The following ADCK1 variants were observed in gnomAD, a reference collection of about 807,000 sequenced individuals.
ADCK1 encodes the protein aarF domain containing kinase 1.
Under a neutral mutation model 52.3 loss-of-function variants are expected in ADCK1, and 41 were observed. The ratio of observed to expected loss-of-function variants is 0.78; its 90% CI spans 0.61 to 1.02. ADCK1 has a LOEUF of 1.02. Ranked by LOEUF, ADCK1 falls within the 50% of genes least tolerant of loss-of-function variation. ADCK1 has a pLI of 0.00. For synonymous variants in ADCK1, 250 were observed against 274.6 expected, an observed-to-expected ratio of 0.91 and a Z score of 0.89; for missense variants, 658 against 679.5, an observed-to-expected ratio of 0.97 and a Z score of 0.35.
At chr14:77,903,943 C>T (rs1164899495) in intron 6 of ADCK1, among the ~76,000 whole-genome samples, 1 of 152,132 alleles carries the variant, frequency 6.6e-6, no homozygotes, top group African/African-American at 2.4e-5. Flanking sequence ...AAGGGAGGTG[C>T]CATAATCACC....
chr14:77,851,402 C>T (rs1455477094), intron 3 of ADCK1, among the ~76,000 whole-genome samples: 1 of 152,156 alleles, frequency 6.6e-6, no homozygotes, highest in Non-Finnish European at 1.5e-5. Context: ...AGCTGTGAGC[C>T]ACTGCGCCTG....
chr14:77,828,585 A>G (rs2081770978), intron 3 of ADCK1, among the ~76,000 whole-genome samples: 1 of 152,126 alleles, frequency 6.6e-6, no homozygotes, highest in Non-Finnish European at 1.5e-5. Context: ...CCCAGGATGG[A>G]GTGCAGTGGC....
At chr14:77,858,413 T>G (rs961929769) in intron 3 of ADCK1, among the ~76,000 whole-genome samples, 4 of 152,072 alleles carry the variant, frequency 2.6e-5, no homozygotes, top group Non-Finnish European at 4.4e-5. Context: ...ATTTTTTTTT[T>G]GTATTTTTAG....
chr14:77,817,952 A>G (rs1594868494), intron 1 of ADCK1, among the ~76,000 whole-genome samples: 1 of 150,674 alleles, frequency 6.6e-6, no homozygotes, highest in East Asian at 2.0e-4. Context: ...GTTAGCCAGG[A>G]TGGTCTTGAT....
intron 4 of ADCK1, among the ~76,000 whole-genome samples, chr14:77,884,700 T>C (rs2083109384): frequency 6.6e-6 from 1 of 152,234 alleles, no homozygotes; most frequent in Non-Finnish European, 1.5e-5. Context: ...GTTGCTACTA[T>C]GTGACCCTCA....
intron 3 of ADCK1, among the ~76,000 whole-genome samples, chr14:77,830,561 G>A (rs941557046): frequency 6.6e-6 from 1 of 151,000 alleles, no homozygotes; most frequent in African/African-American, 2.4e-5. Context: ...CTAAACTGCT[G>A]GGATTACAGG....
In ADCK1 at chr14:77,925,930, G is replaced by A; in HGVS notation, c.1175G>A (p.Gly392Asp). ...CGATCGTGGGACTCGGTCAACAGAGGCATCAGCCAAGCTCCCGTCACTGCC... is the reference window on the plus strand; with the variant it reads ...CGATCGTGGGACTCGGTCAACAGAGACATCAGCCAAGCTCCCGTCACTGCC... ...TARSWDSVNR[G>D]ISQAPVTATE... The change falls in exon 9 of 11, where the codon GGC becomes GAC. Residue 392 changes from glycine to aspartate, a missense_variant. Transcript: ENST00000238561. 1 of 1,614,168 alleles carries A rather than the reference G, an allele frequency of 6.2e-7. No individual in the cohort carries two copies. Among genetic ancestry groups the A allele is most frequent in the Non-Finnish European group, 8.5e-7 (1 of 1,180,040 alleles).
intron 1 of ADCK1, among the ~76,000 whole-genome samples, chr14:77,811,749 C>T (rs1566626510): frequency 6.6e-6 from 1 of 152,082 alleles, no homozygotes; most frequent in Admixed American, 6.6e-5. Context: ...GTTGAGGCTG[C>T]GGTGAGCTGT....
Position 77,931,569 on chromosome 14 carries a change from C to A in ADCK1, c.1258C>A (p.Leu420Ile). The A allele has an allele frequency of 6.2e-7, 1 of 1,614,110 alleles. No individual in the cohort carries two copies. Among genetic ancestry groups the A allele is most frequent in the South Asian group, 1.1e-5 (1 of 91,086 alleles). Reference protein sequence around the residue: ...AANYLPQISHLLNHVPRQMLL... With the variant: ...AANYLPQISHILNHVPRQMLL... ...CAACTACCTCCCCCAGATCAGCCAT[C>A]TCCTCAACCACGTGCCGCGCCAGAT... Residue 420 changes from leucine to isoleucine, a missense_variant, in exon 10 of 11, where the codon CTC becomes ATC. By Grantham distance (5) the Leu-to-Ile change is conservative (BLOSUM62 2). Transcript: ENST00000238561.
intron 5 of ADCK1, among the ~76,000 whole-genome samples, chr14:77,892,872 T>C (rs1276920623): frequency 1.3e-5 from 2 of 152,146 alleles, no homozygotes; most frequent in East Asian, 3.9e-4. Flanking sequence ...TGGCCTCCAA[T>C]AGCATGTACT....
chr14:77,833,245 T>C (rs1463356729), intron 3 of ADCK1, among the ~76,000 whole-genome samples: 3 of 152,186 alleles, frequency 2.0e-5, no homozygotes, highest in Non-Finnish European at 2.9e-5. Flanking sequence ...CCTGGAGTAG[T>C]GGTCTGGGTC....
At chr14:77,839,223 G>A (rs1293174296) in intron 3 of ADCK1, among the ~76,000 whole-genome samples, 1 of 152,208 alleles carries the variant, frequency 6.6e-6, no homozygotes, top group Non-Finnish European at 1.5e-5. Flanking sequence ...CAAAGGACTA[G>A]CAAGTGAAGG....
intron 3 of ADCK1, among the ~76,000 whole-genome samples, chr14:77,851,444 A>G (rs2082283690): frequency 6.6e-6 from 1 of 152,234 alleles, no homozygotes; most frequent in Non-Finnish European, 1.5e-5. Flanking sequence ...GAGTAGTTTG[A>G]CAATCTCTTA....
At chr14:77,861,423 C>A (rs984743030) in intron 4 of ADCK1, among the ~76,000 whole-genome samples, 4 of 151,678 alleles carry the variant, frequency 2.6e-5, no homozygotes, top group African/African-American at 2.4e-5. Flanking sequence ...GGTGTGAGGG[C>A]GGGGTAATGT....
At chr14:77,811,422 A>C (rs956324775) in intron 1 of ADCK1, among the ~76,000 whole-genome samples, 1 of 152,060 alleles carries the variant, frequency 6.6e-6, no homozygotes, top group African/African-American at 2.4e-5. Context: ...GCCTATGGTC[A>C]CCCAGTTCAT....
chr14:77,928,465 AT>A (rs35687694), intron 9 of ADCK1, among the ~76,000 whole-genome samples: 53,584 of 144,254 alleles, frequency 0.37, 9,607 homozygotes, highest in African/African-American at 0.46. Context: ...TTGTTTTTGC[AT>A]TTTTTTTTTT....
chr14:77,836,769 CTTTCTTTTTTT>C (rs1288404490), intron 3 of ADCK1, among the ~76,000 whole-genome samples: 1 of 75,280 alleles, frequency 1.3e-5, no homozygotes, highest in East Asian at 3.0e-4. Flanking sequence ...TTCTTTCTTT[CTTTCTTTTTTT>C]TTTTTTTTTT....
Position 77,928,565 on chromosome 14 carries a change from C to T in ADCK1, c.1206+2604C>T, listed in dbSNP as rs941258262. Among the ~76,000 whole-genome samples, 7 of 151,936 alleles carry T rather than the reference C, an allele frequency of 4.6e-5. No individual in the cohort carries two copies. The East Asian group carries it at 1.4e-3, about 29-fold the overall frequency. On this transcript the variant is annotated intron_variant, in intron 9 of 10. Transcript: ENST00000238561. Reference sequence around the variant, plus strand: ...CAACCTCTGCCTCCCAGGTTCAAGCCATTCTCCTGCCTCAGCCTTCTGAGT... The same window carrying T: ...CAACCTCTGCCTCCCAGGTTCAAGCTATTCTCCTGCCTCAGCCTTCTGAGT...
At chr14:77,817,672 G>A (rs2081485715) in intron 1 of ADCK1, among the ~76,000 whole-genome samples, 1 of 152,118 alleles carries the variant, frequency 6.6e-6, no homozygotes. Context: ...GACTGTGAGT[G>A]GGCAGAGTAG....
Sources: gnomAD v4.1 joint callset for allele counts (sites outside exome capture counted in the v4.1 genomes callset) on GRCh38, gnomAD v4.1.1 for gene constraint, MANE v1.5 for transcripts, NCBI Gene and HGNC (gene_info 2026-07-23, HGNC 2026-07-21) for gene names.